Variants in MBP observed in about 807,000 individuals in gnomAD.
The protein encoded by MBP is myelin basic protein.
In MBP, 16 loss-of-function variants were observed where a neutral mutation model predicts 35.8. The ratio of observed to expected loss-of-function variants is 0.45; its 90% confidence interval spans 0.30 to 0.68. The LOEUF (loss-of-function observed/expected upper bound fraction) is 0.68. MBP is among the 30% of genes least tolerant of loss of function. MBP has a pLI of 0.08. For missense variants in MBP, 380 were observed against 404.7 expected, an observed-to-expected ratio of 0.94 and a Z score of 0.52; for synonymous variants, 143 against 159.6, an observed-to-expected ratio of 0.90 and a Z score of 0.78.
chr18:77,011,418 G>A (rs976615222), intron 4 of MBP, among the ~76,000 whole-genome samples: 10 of 152,114 alleles, frequency 6.6e-5, no homozygotes, highest in Non-Finnish European at 1.0e-4. Flanking sequence ...TCCTACAATG[G>A]CTCTTCTTCA....
rs957005997 is a variant in MBP, at chr18:77,020,598, A to G, written c.140-3330T>C. On this transcript the variant is annotated intron_variant, in intron 3 of 8. Coordinates refer to ENST00000355994, the MANE Select transcript of MBP (RefSeq NM_001025101.2). The surrounding 1 kb of genome is among the most constrained non-coding windows in gnomAD (Gnocchi z 4.1). The stretch of plus-strand genomic sequence containing the variant: ...CACATGCTGTGACCCCATGTGTGAC[A>G]TGCTGTCTGTTAGGGAGGCTCGTTA... Among the ~76,000 whole-genome samples the G allele has an allele frequency of 2.6e-5, 4 of 152,202 alleles. No individual in the cohort carries two copies. The highest frequency in any genetic ancestry group is 4.4e-5 in the Non-Finnish European group (3 of 68,012).
chr18:77,068,672 C>A (rs151173286), intron 2 of MBP, among the ~76,000 whole-genome samples: 1 of 152,222 alleles, frequency 6.6e-6, no homozygotes, highest in Non-Finnish European at 1.5e-5. Context: ...CTGTAGAAAC[C>A]AAGCTGCTGC....
At chr18:77,067,818 A>G (rs370335393) in intron 2 of MBP, 8 of 512,800 alleles carry the variant, frequency 1.6e-5, no homozygotes, top group Non-Finnish European at 2.7e-5. Context: ...TCAATTTTAC[A>G]TTCTTTTCCT....
intron 4 of MBP, among the ~76,000 whole-genome samples, chr18:76,996,506 C>T (rs1055337520): frequency 2.0e-5 from 3 of 152,216 alleles, no homozygotes; most frequent in Non-Finnish European, 4.4e-5. Flanking sequence ...GATAAACACA[C>T]TGTGCTGTAT....
At chr18:77,099,314 C>T (rs1975903325) in intron 2 of MBP, among the ~76,000 whole-genome samples, 1 of 152,198 alleles carries the variant, frequency 6.6e-6, no homozygotes, top group African/African-American at 2.4e-5. Flanking sequence ...GTCCCAGCCA[C>T]GTGTGGCCAC....
chr18:77,036,618 T>A (rs12955289), intron 3 of MBP, among the ~76,000 whole-genome samples: 1 of 127,234 alleles, frequency 7.9e-6, no homozygotes, highest in Non-Finnish European at 1.6e-5. Context: ...TTTTGGAGAC[T>A]GAGCTGAGCA....
intron 2 of MBP, among the ~76,000 whole-genome samples, chr18:77,069,695 A>G (rs1193555232): frequency 6.6e-6 from 1 of 152,194 alleles, no homozygotes; most frequent in East Asian, 1.9e-4. Context: ...ACTTCCCTGT[A>G]TCCACTTCCC....
intron 1 of MBP, among the ~76,000 whole-genome samples, chr18:77,120,022 G>A (rs975394731): frequency 6.6e-6 from 1 of 152,314 alleles, no homozygotes; most frequent in South Asian, 2.1e-4. Context: ...CCCTAACAGG[G>A]TGGGACAGAC....
chr18:77,088,913 C>A (rs964949783), intron 2 of MBP, among the ~76,000 whole-genome samples: 1 of 152,236 alleles, frequency 6.6e-6, no homozygotes, highest in Admixed American at 6.5e-5. Flanking sequence ...GCATGGGCTA[C>A]AAGGCCTAAA....
chr18:77,018,964 T>TCATCCATCCATCCATCCATC (rs58618620), intron 3 of MBP, among the ~76,000 whole-genome samples: 1 of 122,480 alleles, frequency 8.2e-6, no homozygotes, highest in African/African-American at 3.2e-5. Flanking sequence ...ATCTATCCAT[T>TCATCCATCCATCCATCCATC]CATCCATCCA....
intron 2 of MBP, among the ~76,000 whole-genome samples, chr18:77,073,588 T>A (rs1473579188): frequency 6.6e-6 from 1 of 152,242 alleles, no homozygotes; most frequent in Admixed American, 6.5e-5. Context: ...GCCAGTGCCC[T>A]GCTCCGCAGG....
chr18:77,024,174 C>T (rs571803767), intron 3 of MBP, among the ~76,000 whole-genome samples: 2 of 152,374 alleles, frequency 1.3e-5, no homozygotes, highest in South Asian at 4.1e-4. Context: ...CCACAGGCCG[C>T]ATGCAGCCCA....
At chr18:77,085,359 G>A (rs1209962907) in intron 2 of MBP, among the ~76,000 whole-genome samples, 1 of 152,186 alleles carries the variant, frequency 6.6e-6, no homozygotes, top group Admixed American at 6.5e-5. Context: ...GAAAAAGGAT[G>A]TACCCTTCTC....
chr18:77,033,912 C>G (rs1972644412), intron 3 of MBP, among the ~76,000 whole-genome samples: 1 of 152,104 alleles, frequency 6.6e-6, no homozygotes, highest in African/African-American at 2.4e-5. Context: ...CACATAGTGC[C>G]TTGAGTTAGG....
Position 76,988,572 on chromosome 18 carries a change from G to A in MBP, c.718-45C>T. 6.3e-7 allele frequency: 1 copy of A among 1,589,950 alleles called. No individual in the cohort carries two copies. Among genetic ancestry groups the A allele is most frequent in the Non-Finnish European group, 8.6e-7 (1 of 1,167,432 alleles). On this transcript the variant is annotated intron_variant, in intron 6 of 8. Coordinates refer to ENST00000355994, the MANE Select transcript of MBP (RefSeq NM_001025101.2). This position sits in a 1 kb window ranked among gnomAD's most constrained non-coding sequence, Gnocchi z 5.2. Reference sequence around the variant, plus strand: ...AAATAATGACATGGTGGTCAGTGAAGGGAAAGTCCTTTCAATCAACAGGAA... The same window carrying A: ...AAATAATGACATGGTGGTCAGTGAAAGGAAAGTCCTTTCAATCAACAGGAA...
At chr18:77,083,238 C>T (rs994102628) in intron 2 of MBP, among the ~76,000 whole-genome samples, 9 of 152,150 alleles carry the variant, frequency 5.9e-5, no homozygotes, top group African/African-American at 2.2e-4. Context: ...ATGTGCTGGG[C>T]TTACAGACGT....
chr18:77,004,639 C>G (rs894926549), intron 4 of MBP: 1 of 152,204 alleles, frequency 6.6e-6, no homozygotes, highest in African/African-American at 2.4e-5. Context: ...TTTCAGGTAA[C>G]CTGAGGCTGT....
At chr18:77,049,161 C>T (rs952373227) in intron 3 of MBP, among the ~76,000 whole-genome samples, 26 of 152,124 alleles carry the variant, frequency 1.7e-4, no homozygotes, top group African/African-American at 5.3e-4. Flanking sequence ...CCTCGTGATC[C>T]GCCCACCTCG....
chr18:77,017,168 G>T lies in MBP; in HGVS notation c.240C>A (p.Ala80=). The change falls in exon 4 of 9, where the codon GCC becomes GCA. Residue 80 remains alanine (A), a synonymous_variant. Coordinates refer to ENST00000355994, the MANE Select transcript of MBP (RefSeq NM_001025101.2). ...TADPKNAWQD[A]HPADPGSRPH... is the part of the protein sequence containing the mutation. Reference sequence around the variant, plus strand: ...GGCGGCTCCCTGGGTCAGCTGGGTGGGCATCCTGCCAGGCATTCTTCGGGT... The same window carrying T: ...GGCGGCTCCCTGGGTCAGCTGGGTGTGCATCCTGCCAGGCATTCTTCGGGT... 1 of 1,548,370 alleles carries T rather than the reference G, an allele frequency of 6.5e-7. No homozygotes were observed. Among genetic ancestry groups the T allele is most frequent in the Non-Finnish European group, 8.7e-7 (1 of 1,146,232 alleles).
Sources: allele counts gnomAD v4.1 joint callset (sites outside exome capture counted in the v4.1 genomes callset), GRCh38; gene constraint gnomAD v4.1.1; non-coding constraint Gnocchi (gnomAD v3.1); transcripts MANE v1.5; gene names NCBI Gene and HGNC (gene_info 2026-07-23, HGNC 2026-07-21).